MGME1: variants seen among roughly 807,000 people sequenced by gnomAD.
The protein encoded by MGME1 is chromosome 20 open reading frame 72.
MGME1 carries 22 observed loss-of-function variants against 33.0 expected under a neutral mutation model. That is an observed-to-expected ratio of 0.67 (90% CI 0.48 to 0.95). The LOEUF is 0.95. Ranked by LOEUF, MGME1 falls within the 40% of genes least tolerant of loss-of-function variation. MGME1 has a pLI of 0.00. For synonymous variants in MGME1, 133 were observed against 144.0 expected (o/e 0.92, Z 0.55); for missense variants, 383 against 397.8 (o/e 0.96, Z 0.32).
rs3748496 is a variant in MGME1, at chr20:17,990,413, G to C, written c.*304G>C. ...CTTGTACTCCCTTGAGGGACATTGG[G>C]GGGGGGGGGGCGTGGTCCCAGGCAG... On this transcript the variant is annotated 3_prime_UTR_variant, in exon 5 of 5. Transcript: ENST00000377710. The C allele has an allele frequency of 1.1e-5, 3 of 270,970 alleles. No individual in the cohort carries two copies. The highest frequency in any genetic ancestry group is 1.6e-4 in the East Asian group (2 of 12,554). The allele number at this position is 270,970 out of a possible 1,614,324, so 16.8% of individuals were successfully genotyped here.
chr20:17,978,111 C>A (rs2035913905), intron 3 of MGME1, among the ~76,000 whole-genome samples: 1 of 152,088 alleles, frequency 6.6e-6, no homozygotes, highest in Admixed American at 6.5e-5. Flanking sequence ...TATTGTGTGG[C>A]CCAAGACAAT....
intron 3 of MGME1, among the ~76,000 whole-genome samples, chr20:17,984,069 A>G (rs2036097454): frequency 6.6e-6 from 1 of 152,048 alleles, no homozygotes; most frequent in Non-Finnish European, 1.5e-5. Context: ...CAGGTCTTAA[A>G]TTTTAAGTTG....
chr20:17,969,882 C>A lies in MGME1; in HGVS notation c.23C>A (p.Thr8Asn). ...TGAATGAAGATGAAGTTATTTCAGA[C>A]CATTTGCAGGCAGCTCAGGAGTTCA... Reference protein sequence around the residue: MKMKLFQTICRQLRSSKF... With the variant: MKMKLFQNICRQLRSSKF... The change falls in exon 2 of 5, where the codon ACC becomes AAC. Residue 8 changes from threonine (T) to asparagine (N), a missense_variant. Transcript: ENST00000377710. The A allele has an allele frequency of 1.2e-6, 2 of 1,610,384 alleles. No individual in the cohort carries two copies. Among genetic ancestry groups the A allele is most frequent in the Non-Finnish European group, 1.7e-6 (2 of 1,178,952 alleles).
intron 3 of MGME1, among the ~76,000 whole-genome samples, chr20:17,979,391 A>T (rs2122557110): frequency 6.7e-6 from 1 of 148,192 alleles, no homozygotes; most frequent in Admixed American, 6.7e-5. Context: ...AGAATTTTTT[A>T]TTTTTGTTAT....
chr20:17,981,219 A>AT (rs1270180238), intron 3 of MGME1, among the ~76,000 whole-genome samples: 1 of 152,172 alleles, frequency 6.6e-6, no homozygotes, highest in Admixed American at 6.6e-5. Flanking sequence ...CTTATGTATG[A>AT]TTTCATGCAG....
chr20:17,979,372 G>A (rs558397413), intron 3 of MGME1, among the ~76,000 whole-genome samples: 167 of 149,130 alleles, frequency 1.1e-3, no homozygotes, highest in African/African-American at 3.8e-3. Context: ...GAGGCACCGC[G>A]CCCAGCTAAG....
At chr20:17,980,757 T>C (rs6105854) in intron 3 of MGME1, among the ~76,000 whole-genome samples, 103,994 of 150,502 alleles carry the variant, frequency 0.69, 36,223 homozygotes, top group African/African-American at 0.79. Context: ...GGCAGTGAGC[T>C]GAGATCACGC....
chr20:17,970,494 G>C lies in MGME1; in HGVS notation c.511+124G>C, dbSNP rs57043205. ...ACTAGCAAGGAACTCCCTTCAGATA[G>C]TAATTAACATTAAATAGCACTTTAT... On this transcript the variant is annotated intron_variant, in intron 2 of 4. Transcript: ENST00000377710. 5,030 of 919,742 alleles carry C rather than the reference G, an allele frequency of 5.5e-3. 182 individuals carry two copies. In the African/African-American group the frequency reaches 0.076, roughly 14 times the overall value. 57.0% of individuals were successfully genotyped at this position (919,742 alleles called of 1,614,324 possible).
At chr20:17,976,895 A>C (rs1369889416) in intron 3 of MGME1, among the ~76,000 whole-genome samples, 2 of 151,996 alleles carry the variant, frequency 1.3e-5, no homozygotes, top group Non-Finnish European at 2.9e-5. Context: ...TTCGGACCTC[A>C]GGTGATCCGC....
In MGME1 at chr20:17,970,365, C is replaced by T; in HGVS notation, c.506C>T (p.Thr169Ile). Residue 169 changes from threonine to isoleucine, a missense_variant, in exon 2 of 5, where the codon ACT (threonine) becomes ATT (isoleucine). By Grantham distance (89) the Thr-to-Ile change is moderately conservative (BLOSUM62 -1). Coordinates refer to ENST00000377710, the MANE Select transcript of MGME1 (RefSeq NM_052865.4). ...ELGEDGFKEY[T>I]SNVFLQGKRF... Reference sequence around the variant, plus strand: ...GGAGAAGATGGCTTTAAAGAATACACTTCAAGTAATTATCTCAATTCTGAT... The same window carrying T: ...GGAGAAGATGGCTTTAAAGAATACATTTCAAGTAATTATCTCAATTCTGAT... 6.2e-7 allele frequency: 1 copy of T among 1,605,722 alleles called. No homozygotes were observed. The highest frequency in any genetic ancestry group is 8.5e-7 in the Non-Finnish European group (1 of 1,176,634).
chr20:17,969,689 C>A, intron 1 of MGME1, 112 bp from the exon 2 acceptor site: 1 of 647,250 alleles, frequency 1.5e-6, no homozygotes, highest in Non-Finnish European at 2.5e-6. Flanking sequence ...CTCGCTCTGT[C>A]GACTTTCTTA....
chr20:17,975,522 C>T (rs2035838511), intron 2 of MGME1, among the ~76,000 whole-genome samples, 162 bp from the exon 3 acceptor site: 1 of 150,086 alleles, frequency 6.7e-6, no homozygotes, highest in Admixed American at 6.7e-5. Context: ...GCCCACTACA[C>T]TCCAGCCTGG....
chr20:17,972,624 A>G, intron 2 of MGME1: 1 of 971,552 alleles, frequency 1.0e-6, no homozygotes, highest in Non-Finnish European at 1.2e-6. Context: ...TGCAGTGAAT[A>G]TTCTTGGATC....
At chr20:17,975,008 C>G (rs1036354281) in intron 2 of MGME1, among the ~76,000 whole-genome samples, 6 of 152,112 alleles carry the variant, frequency 3.9e-5, no homozygotes, top group African/African-American at 1.4e-4. Context: ...CCCTAGATTT[C>G]TAATTTTTTT....
chr20:17,990,150 A>C lies in MGME1; in HGVS notation c.*41A>C. ...TTGGGAACATTCAGCACCTTCTCAC[A>C]GTTTGGGAACATATATTGCTGTTTA... is the stretch of plus-strand genomic sequence containing the variant. On this transcript the variant is annotated 3_prime_UTR_variant, in exon 5 of 5. Transcript: ENST00000377710. 1.9e-6 allele frequency: 3 copies of C among 1,582,636 alleles called. No individual in the cohort carries two copies. The highest frequency in any genetic ancestry group is 2.6e-6 in the Non-Finnish European group (3 of 1,151,566).
intron 3 of MGME1, among the ~76,000 whole-genome samples, chr20:17,977,301 G>C (rs193009371): frequency 3.1e-4 from 47 of 151,752 alleles, no homozygotes; most frequent in African/African-American, 1.1e-3. Context: ...ACTTTAACCC[G>C]GGAGGCAGAA....
rs757637035 is a variant in MGME1 at position 17,988,195 on chromosome 20, C to T, written c.761C>T (p.Thr254Ile). ...AAGCTCTGTGTGATTGATTGGAAGA[C>T]ATCAGAGAAACCAAAGCCTTTTATT... Reference protein sequence around the residue: ...QGKLCVIDWKTSEKPKPFIQS... With the variant: ...QGKLCVIDWKISEKPKPFIQS... Residue 254 changes from threonine to isoleucine, a missense_variant, in exon 4 of 5, where the codon ACA (threonine) becomes ATA (isoleucine). Physicochemically the swap from Thr to Ile is moderately conservative, Grantham distance 89 (BLOSUM62 -1). Transcript: ENST00000377710. 2.9e-5 allele frequency: 46 copies of T among 1,613,922 alleles called. No individual in the cohort carries two copies. The highest frequency in any genetic ancestry group is 6.6e-5 in the South Asian group (6 of 91,062).
intron 2 of MGME1, chr20:17,972,781 A>G (rs931132161): frequency 5.1e-6 from 5 of 985,236 alleles, no homozygotes; most frequent in African/African-American, 3.5e-5. Flanking sequence ...TGTATGGTCT[A>G]TTGGCATGGC....
At chr20:17,987,242 C>A (rs2036177419) in intron 3 of MGME1, among the ~76,000 whole-genome samples, 1 of 150,648 alleles carries the variant, frequency 6.6e-6, no homozygotes, top group Non-Finnish European at 1.5e-5. Flanking sequence ...CTCAACTACA[C>A]AGATTGTCAA....
Sources: gnomAD v4.1 joint callset for allele counts (sites outside exome capture counted in the v4.1 genomes callset) on GRCh38, gnomAD v4.1.1 for gene constraint, MANE v1.5 for transcripts, NCBI Gene and HGNC (gene_info 2026-07-23, HGNC 2026-07-21) for gene names.